CACNB4: variants seen among roughly 807,000 people sequenced by gnomAD.
CACNB4 encodes the protein calcium voltage-gated channel auxiliary subunit beta 4.
In CACNB4, 32 loss-of-function variants were observed where a neutral mutation model predicts 71.2. The observed-to-expected ratio is 0.45, with a 90% CI of 0.34 to 0.60. CACNB4 has a LOEUF of 0.60. CACNB4 is among the 20% of genes least tolerant of loss of function. The pLI is 0.01. For missense variants in CACNB4, 464 were observed against 647.9 expected, an observed-to-expected ratio of 0.72 and a Z score of 3.08; for synonymous variants, 231 against 236.9, an observed-to-expected ratio of 0.97 and a Z score of 0.23.
chr2:152,014,392 T>C (rs1683227916), intron 2 of CACNB4, among the ~76,000 whole-genome samples: 1 of 151,726 alleles, frequency 6.6e-6, no homozygotes, highest in Non-Finnish European at 1.5e-5. Flanking sequence ...ACAGGCCTCT[T>C]TCTAAAGCTT....
intron 2 of CACNB4, among the ~76,000 whole-genome samples, chr2:151,885,383 G>A (rs1252363564): frequency 6.6e-6 from 1 of 152,156 alleles, no homozygotes; most frequent in African/African-American, 2.4e-5. Flanking sequence ...TTGCAGCAGT[G>A]GGAAGGCTGA....
At chr2:152,021,179 G>A (rs981804454) in intron 2 of CACNB4, among the ~76,000 whole-genome samples, 4 of 152,138 alleles carry the variant, frequency 2.6e-5, no homozygotes, top group East Asian at 1.9e-4. Flanking sequence ...CCCGGGAGGC[G>A]GAGGTTGCAG....
chr2:151,994,809 CTTTCTTTT>C (rs1681947342), intron 2 of CACNB4, among the ~76,000 whole-genome samples: 1 of 151,628 alleles, frequency 6.6e-6, no homozygotes, highest in East Asian at 2.0e-4. Flanking sequence ...TCTTTTCTTT[CTTTCTTTT>C]TTTCTTTAGA....
intron 2 of CACNB4, chr2:151,969,068 T>A (rs2099871867): frequency 6.6e-6 from 1 of 152,236 alleles, no homozygotes; most frequent in Admixed American, 6.5e-5. Context: ...AACACACCCC[T>A]AGCCAAACAC....
intron 2 of CACNB4, among the ~76,000 whole-genome samples, chr2:151,943,147 CG>C (rs2099864691): frequency 1.3e-5 from 2 of 152,280 alleles, no homozygotes; most frequent in South Asian, 4.1e-4. Context: ...GTGGGCATCA[CG>C]GTCCTACTGA....
intron 2 of CACNB4, among the ~76,000 whole-genome samples, chr2:152,066,990 G>C (rs1004075709): frequency 1.6e-5 from 2 of 127,684 alleles, no homozygotes; most frequent in Admixed American, 9.0e-5. Context: ...TCTGGGGACT[G>C]TTTTGGGGTG....
intron 2 of CACNB4, among the ~76,000 whole-genome samples, chr2:151,966,210 G>A (rs1002099995): frequency 6.6e-6 from 1 of 152,278 alleles, no homozygotes. Flanking sequence ...ACTTGCCCAT[G>A]GTCACTGTTA....
At chr2:152,074,513 G>A (rs1236466162) in intron 2 of CACNB4, among the ~76,000 whole-genome samples, 3 of 141,508 alleles carry the variant, frequency 2.1e-5, no homozygotes, top group Non-Finnish European at 4.6e-5. Flanking sequence ...CACCATTACC[G>A]CTACTGCCAC....
intron 2 of CACNB4, among the ~76,000 whole-genome samples, chr2:152,029,798 T>G (rs905460526): frequency 6.6e-6 from 1 of 152,146 alleles, no homozygotes; most frequent in Admixed American, 6.5e-5. Context: ...CTTCTACCAT[T>G]TGAGGACACA....
intron 2 of CACNB4, among the ~76,000 whole-genome samples, chr2:152,050,726 T>C (rs1264580420): frequency 6.6e-6 from 1 of 151,714 alleles, no homozygotes; most frequent in Non-Finnish European, 1.5e-5. Context: ...TAAAAAAAAT[T>C]TTTTTTTAAT....
At chr2:151,908,015 C>G (rs1050578155) in intron 2 of CACNB4, among the ~76,000 whole-genome samples, 1 of 152,162 alleles carries the variant, frequency 6.6e-6, no homozygotes, top group Non-Finnish European at 1.5e-5. Context: ...CTCCAAGAGG[C>G]TTTTGTCCTG....
chr2:151,918,430 T>C (rs2099858098), intron 2 of CACNB4, among the ~76,000 whole-genome samples: 1 of 152,118 alleles, frequency 6.6e-6, no homozygotes, highest in South Asian at 2.1e-4. Context: ...CTCATTTCCT[T>C]CCCTCTTTTG....
chr2:152,008,179 T>C (rs969317762), intron 2 of CACNB4, among the ~76,000 whole-genome samples: 63 of 152,172 alleles, frequency 4.1e-4, no homozygotes, highest in African/African-American at 1.5e-3. Flanking sequence ...ACATGCTTTC[T>C]AACACTTGTT....
chr2:152,097,238 A>G (rs193093633), intron 2 of CACNB4, among the ~76,000 whole-genome samples: 1 of 152,278 alleles, frequency 6.6e-6, no homozygotes, highest in East Asian at 1.9e-4. Context: ...TCTGAGTTCA[A>G]TTTTGATATC....
rs201127962 is a variant in CACNB4, at chr2:152,092,834, CAT to C, written c.147+5494_147+5495del. Among the ~76,000 whole-genome samples the C allele has an allele frequency of 7.9e-3, 1,187 of 150,510 alleles. 16 individuals are homozygous for C. The highest frequency in any genetic ancestry group is 0.026 in the African/African-American group (1,067 of 41,074). On this transcript the variant is annotated intron_variant, in intron 2 of 13. Coordinates refer to ENST00000539935, the MANE Select transcript of CACNB4 (RefSeq NM_000726.5). ...CCATATATACATTTACATATATATA[CAT>C]ATATATATATAATGTTTTTTCCTAT... is the stretch of plus-strand genomic sequence containing the variant.
At chr2:152,005,028 C>T (rs940678368) in intron 2 of CACNB4, among the ~76,000 whole-genome samples, 2 of 152,118 alleles carry the variant, frequency 1.3e-5, no homozygotes, top group Non-Finnish European at 1.5e-5. Context: ...ATAACAGATG[C>T]TGGTGAGGTC....
intron 2 of CACNB4, among the ~76,000 whole-genome samples, chr2:152,075,499 A>G (rs1020612942): frequency 1.3e-5 from 2 of 152,228 alleles, no homozygotes; most frequent in African/African-American, 4.8e-5. Flanking sequence ...AAAGGAGTTA[A>G]GAGTCACCAG....
At chr2:152,099,063 GC>G, upstream of CACNB4, 4 of 1,302,842 alleles carry the variant, frequency 3.1e-6, no homozygotes, top group Non-Finnish European at 4.2e-6. Flanking sequence ...GAGGGGGCTG[GC>G]CCCCGAGGCT....
At chr2:151,851,359 C>T (rs976863617) in intron 12 of CACNB4, 2 of 152,128 alleles carry the variant, frequency 1.3e-5, no homozygotes, top group African/African-American at 4.8e-5. Context: ...TACAAGGTAA[C>T]CTTATCCATC....
Sources: allele counts gnomAD v4.1 joint callset (sites outside exome capture counted in the v4.1 genomes callset), GRCh38; gene constraint gnomAD v4.1.1; transcripts MANE v1.5; gene names NCBI Gene and HGNC (gene_info 2026-07-23, HGNC 2026-07-21).